The following MYO3B variants were observed in gnomAD, a reference collection of about 807,000 sequenced individuals.
The protein encoded by MYO3B is myosin IIIB.
A neutral mutation model predicts 174.6 loss-of-function variants in MYO3B; 156 were observed. The ratio of observed to expected loss-of-function variants is 0.89; its 90% CI spans 0.78 to 1.02. The LOEUF is 1.02. Among genes scored for constraint, MYO3B ranks in the 50% least tolerant of loss-of-function variants. MYO3B has a pLI of 0.00. For synonymous variants in MYO3B, 563 were observed against 569.1 expected (o/e 0.99, Z 0.15); for missense variants, 1,632 against 1,639.4 (o/e 1.00, Z 0.08).
intron 9 of MYO3B, among the ~76,000 whole-genome samples, chr2:170,376,326 C>T (rs184713947): frequency 2.7e-4 from 41 of 152,166 alleles, no homozygotes; most frequent in East Asian, 9.7e-4. Context: ...TATATAGTTA[C>T]GGTAAAATAA....
chr2:170,544,004 T>C lies in MYO3B; in HGVS notation c.3733+16T>C. 1 of 1,570,010 alleles carries C rather than the reference T, an allele frequency of 6.4e-7. No individual in the cohort carries two copies. Among genetic ancestry groups the C allele is most frequent in the South Asian group, 1.1e-5 (1 of 89,716 alleles). Reference sequence around the variant, plus strand: ...CAAAAGCCTGGTAAGAAGAACGTTTTGAATTGCATGCGGCTTCTACCATTT... The same window carrying C: ...CAAAAGCCTGGTAAGAAGAACGTTTCGAATTGCATGCGGCTTCTACCATTT... On this transcript the variant is annotated intron_variant, in intron 32 of 34. Transcript: ENST00000408978.
At position 170,542,261 on chromosome 2, in the gene MYO3B, A is replaced by G. The variant is rs185365620; in HGVS notation, c.3576-645A>G. 2.8e-3 allele frequency among the ~76,000 whole-genome samples: 426 copies of G among 152,292 alleles called. 1 individual carries two copies. Among genetic ancestry groups the G allele is most frequent in the Admixed American group, 4.0e-3 (61 of 15,294 alleles). On this transcript the variant is annotated intron_variant, in intron 30 of 34. Transcript: ENST00000408978. ...TGTGTTATAAGTACACTCTTATACA[A>G]TGTGTTCTGATTATCAAAAATTGGG... is the stretch of plus-strand genomic sequence containing the variant.
chr2:170,650,672 C>CTTTTTT (rs766676996), intron 32 of MYO3B, among the ~76,000 whole-genome samples: 5 of 76,992 alleles, frequency 6.5e-5, no homozygotes, highest in Non-Finnish European at 1.1e-4. Flanking sequence ...TGAATTATGA[C>CTTTTTT]TTTTTTTTTT....
chr2:170,246,611 G>T (rs2093193110), intron 7 of MYO3B, among the ~76,000 whole-genome samples: 1 of 151,510 alleles, frequency 6.6e-6, no homozygotes, highest in Non-Finnish European at 1.5e-5. Context: ...GGCCACACTA[G>T]AAGAGGCAAG....
intron 25 of MYO3B, 83 bp from the exon 26 acceptor site, chr2:170,498,509 G>A: frequency 2.3e-6 from 2 of 851,192 alleles, no homozygotes; most frequent in Non-Finnish European, 1.9e-6. Flanking sequence ...AAAAAACAAG[G>A]TGTGTCAATG....
chr2:170,542,790 C>G, intron 30 of MYO3B, 116 bp from the exon 31 acceptor site: 1 of 778,634 alleles, frequency 1.3e-6, no homozygotes, highest in South Asian at 2.3e-5. Context: ...AAATGGGAAA[C>G]CATGGAAGCA....
intron 7 of MYO3B, among the ~76,000 whole-genome samples, chr2:170,275,964 T>C (rs562981598): frequency 6.6e-6 from 1 of 152,308 alleles, no homozygotes; most frequent in African/African-American, 2.4e-5. Context: ...TTTTGTAAAC[T>C]TTACTAAATT....
intron 7 of MYO3B, among the ~76,000 whole-genome samples, chr2:170,282,575 T>G (rs1437775303): frequency 6.6e-6 from 1 of 152,234 alleles, no homozygotes; most frequent in Non-Finnish European, 1.5e-5. Context: ...CTAGGATTTC[T>G]TTGGCTTTTC....
chr2:170,516,611 A>C, intron 29 of MYO3B, among the ~76,000 whole-genome samples: 1 of 150,372 alleles, frequency 6.7e-6, no homozygotes, highest in Non-Finnish European at 1.5e-5. Flanking sequence ...CCACTGAACT[A>C]CAGCCTGGGC....
intron 7 of MYO3B, among the ~76,000 whole-genome samples, chr2:170,293,031 C>T (rs1456717723): frequency 2.6e-5 from 4 of 152,130 alleles, no homozygotes; most frequent in Non-Finnish European, 2.9e-5. Context: ...TGTTGCAGGG[C>T]ACCATGAGGG....
At chr2:170,522,572 G>A (rs1159281982) in intron 30 of MYO3B, among the ~76,000 whole-genome samples, 1 of 152,102 alleles carries the variant, frequency 6.6e-6, no homozygotes, top group East Asian at 1.9e-4. Context: ...AACTTTAATG[G>A]CTTCCTATTT....
At chr2:170,559,461 A>T (rs952941195) in intron 32 of MYO3B, among the ~76,000 whole-genome samples, 1 of 152,174 alleles carries the variant, frequency 6.6e-6, no homozygotes, top group Non-Finnish European at 1.5e-5. Flanking sequence ...AGGCCAAAAG[A>T]TCAGAGAGCA....
At chr2:170,204,569 C>T (rs572065275) in intron 3 of MYO3B, among the ~76,000 whole-genome samples, 6 of 152,186 alleles carry the variant, frequency 3.9e-5, no homozygotes, top group Non-Finnish European at 7.3e-5. Flanking sequence ...AATCAATATT[C>T]AATGACGTTT....
chr2:170,480,130 A>G (rs1031574942), intron 25 of MYO3B, among the ~76,000 whole-genome samples: 3 of 151,640 alleles, frequency 2.0e-5, no homozygotes, highest in African/African-American at 7.3e-5. Flanking sequence ...CTGGCTCATA[A>G]CTCCCATAAC....
rs768253196 is a variant in MYO3B, at chr2:170,199,217, G to A, written c.12G>A (p.Leu4=). 4 of 1,610,254 alleles carry A rather than the reference G, an allele frequency of 2.5e-6. No individual in the cohort carries two copies. The Admixed American group carries it at 5.0e-5, about 20-fold the overall frequency. Residue 4 remains leucine, a synonymous_variant, in exon 2 of 35, where the codon CTG becomes CTA. Coordinates refer to ENST00000408978, the MANE Select transcript of MYO3B (RefSeq NM_138995.5). ...TTTTTCCCCCAACCAGGAAACATCT[G>A]TATGGATTATTTCACTATAATCCTA... The part of the protein sequence containing the change: MKH[L]YGLFHYNPMM...
intron 32 of MYO3B, among the ~76,000 whole-genome samples, chr2:170,615,434 A>G (rs1695395692): frequency 6.6e-6 from 1 of 152,236 alleles, no homozygotes; most frequent in Admixed American, 6.5e-5. Flanking sequence ...AGAGCTTTCT[A>G]AAGAGGGAAT....
intron 28 of MYO3B, among the ~76,000 whole-genome samples, chr2:170,509,192 A>G (rs565341078): frequency 2.1e-4 from 32 of 152,296 alleles, no homozygotes; most frequent in African/African-American, 5.8e-4. Context: ...TCCTGTCTCT[A>G]CTAAAAACAC....
At chr2:170,416,818 G>GTTTTTTTT (rs552594236) in intron 22 of MYO3B, among the ~76,000 whole-genome samples, 33 of 116,120 alleles carry the variant, frequency 2.8e-4, no homozygotes, top group South Asian at 8.3e-4. Flanking sequence ...TTTTTCTGTT[G>GTTTTTTTT]TTTTTTTTTT....
intron 9 of MYO3B, among the ~76,000 whole-genome samples, chr2:170,375,612 C>G (rs578165623): frequency 2.6e-5 from 4 of 151,864 alleles, no homozygotes; most frequent in Non-Finnish European, 4.4e-5. Flanking sequence ...TTCTTTTCAA[C>G]CTGCAGCAAT....
Sources: gnomAD v4.1 joint callset for allele counts (sites outside exome capture counted in the v4.1 genomes callset) on GRCh38, gnomAD v4.1.1 for gene constraint, MANE v1.5 for transcripts, NCBI Gene and HGNC (gene_info 2026-07-23, HGNC 2026-07-21) for gene names.